Variants in VEPH1 observed in about 807,000 individuals in gnomAD.
The protein encoded by VEPH1 is ventricular zone-expressed PH domain-containing protein homolog 1.
VEPH1 carries 80 observed loss-of-function variants against 85.2 expected under a neutral mutation model. The ratio of observed to expected loss-of-function variants is 0.94; its 90% confidence interval spans 0.78 to 1.13. The LOEUF is 1.13. Ranked by LOEUF, VEPH1 falls within the 50% of genes most tolerant of loss-of-function variation. VEPH1 has a pLI of 0.00. For synonymous variants in VEPH1, 297 were observed against 348.0 expected (o/e 0.85, Z 1.63); for missense variants, 955 against 980.5 (o/e 0.97, Z 0.35).
intron 11 of VEPH1, among the ~76,000 whole-genome samples, chr3:157,287,739 A>G (rs987092474): frequency 3.3e-5 from 5 of 151,684 alleles, no homozygotes; most frequent in Admixed American, 1.3e-4. Flanking sequence ...TAATTTTTGT[A>G]TATCTAGTAG....
intron 2 of VEPH1, among the ~76,000 whole-genome samples, chr3:157,472,107 C>T (rs1221667352): frequency 6.6e-6 from 1 of 152,198 alleles, no homozygotes; most frequent in African/African-American, 2.4e-5. Context: ...ATTCTAAGCA[C>T]ATGCAGATAT....
chr3:157,272,276 CCTTCCTTCCTTCCTT>C (rs1714682394), intron 12 of VEPH1, among the ~76,000 whole-genome samples: 1 of 84,536 alleles, frequency 1.2e-5, no homozygotes, highest in African/African-American at 3.7e-5. Flanking sequence ...TTCCTTCCTT[CCTTCCTTCCTTCCTT>C]CCTTCCCTTC....
At position 157,364,455 on chromosome 3, in the gene VEPH1, T is replaced by C. The variant is rs1218066913; in HGVS notation, c.1185A>G (p.Ile395Met). ...TTTCATGGTCTTCATTTTCAGTTAC[T>C]ATGAGCTTGGTTTCTTCCAGTTTCT... is the stretch of plus-strand genomic sequence containing the variant. ...FPEKLEETKL[I>M]VTENEDHEKL... Residue 395 changes from isoleucine to methionine, a missense_variant, in exon 8 of 14, where the codon ATA becomes ATG. Ile to Met is a conservative substitution (Grantham distance 10). Coordinates refer to ENST00000362010, the MANE Select transcript of VEPH1 (RefSeq NM_001167912.2). 6.2e-6 allele frequency: 10 copies of C among 1,614,046 alleles called. No homozygotes were observed. The highest frequency in any genetic ancestry group is 1.7e-4 in the Middle Eastern group (1 of 6,056).
chr3:157,341,854 G>C (rs559198401), intron 9 of VEPH1, among the ~76,000 whole-genome samples: 49 of 151,918 alleles, frequency 3.2e-4, no homozygotes, highest in African/African-American at 1.1e-3. Context: ...AGCCAGAAGA[G>C]AGTGGGGGCC....
At chr3:157,390,920 G>T (rs1000318812) in intron 6 of VEPH1, among the ~76,000 whole-genome samples, 2 of 152,198 alleles carry the variant, frequency 1.3e-5, no homozygotes, top group Non-Finnish European at 2.9e-5. Context: ...AAGTTTTTGG[G>T]CACCACCACA....
At chr3:157,420,104 T>A (rs1291424644) in intron 5 of VEPH1, among the ~76,000 whole-genome samples, 1 of 149,974 alleles carries the variant, frequency 6.7e-6, no homozygotes, top group Non-Finnish European at 1.5e-5. Context: ...TTCTCATTTA[T>A]AAGTGGGAGG....
At chr3:157,453,404 T>C (rs1475764516) in intron 4 of VEPH1, among the ~76,000 whole-genome samples, 1 of 152,198 alleles carries the variant, frequency 6.6e-6, no homozygotes, top group African/African-American at 2.4e-5. Context: ...TAATAGGACT[T>C]CTTTTATGAG....
chr3:157,333,450 C>G (rs1722680287), intron 9 of VEPH1, among the ~76,000 whole-genome samples: 1 of 152,128 alleles, frequency 6.6e-6, no homozygotes, highest in Non-Finnish European at 1.5e-5. Context: ...AGAAAGGAAT[C>G]TGGGATATTT....
intron 3 of VEPH1, among the ~76,000 whole-genome samples, chr3:157,466,448 C>T (rs1022832615): frequency 1.4e-4 from 21 of 152,202 alleles, no homozygotes; most frequent in African/African-American, 4.1e-4. Context: ...TGCTCATTTT[C>T]GTTGCCCTGC....
chr3:157,491,552 G>A (rs1321474643), intron 2 of VEPH1, among the ~76,000 whole-genome samples: 1 of 152,144 alleles, frequency 6.6e-6, no homozygotes, highest in Non-Finnish European at 1.5e-5. Flanking sequence ...GTAGTAACTG[G>A]TAGAAAAAGA....
At chr3:157,488,943 T>C (rs1738943785) in intron 2 of VEPH1, 2 of 262,970 alleles carry the variant, frequency 7.6e-6, no homozygotes, top group South Asian at 3.3e-5. Flanking sequence ...TCTCTCTCTC[T>C]CTTTCTCTCT....
intron 1 of VEPH1, among the ~76,000 whole-genome samples, chr3:157,497,159 G>A (rs1331056064): frequency 1.3e-5 from 2 of 152,134 alleles, no homozygotes; most frequent in Non-Finnish European, 2.9e-5. Context: ...TAAAATGTGA[G>A]GCTACTGTTA....
chr3:157,395,845 C>T, intron 6 of VEPH1, among the ~76,000 whole-genome samples: 1 of 152,072 alleles, frequency 6.6e-6, no homozygotes, highest in East Asian at 1.9e-4. Context: ...GTTATCTTTT[C>T]TGCTCCTCTC....
chr3:157,442,817 C>T, intron 4 of VEPH1: 2 of 1,614,196 alleles, frequency 1.2e-6, no homozygotes, highest in Non-Finnish European at 1.7e-6. Flanking sequence ...AAACATTAGC[C>T]TTCTCTGGGA....
intron 9 of VEPH1, among the ~76,000 whole-genome samples, chr3:157,318,646 A>AG (rs779238145): frequency 8.3e-6 from 1 of 120,532 alleles, no homozygotes; most frequent in Non-Finnish European, 2.0e-5. Context: ...GAAAGAAAGA[A>AG]AGAAAGAATG....
intron 9 of VEPH1, among the ~76,000 whole-genome samples, chr3:157,348,546 T>C (rs1281257371): frequency 6.6e-6 from 1 of 152,216 alleles, no homozygotes; most frequent in Non-Finnish European, 1.5e-5. Flanking sequence ...CATATGTGTG[T>C]CTTCTTTTGA....
At chr3:157,289,968 A>G (rs1717274063) in intron 11 of VEPH1, among the ~76,000 whole-genome samples, 1 of 151,932 alleles carries the variant, frequency 6.6e-6, no homozygotes, top group Non-Finnish European at 1.5e-5. Flanking sequence ...GGAAGGACTT[A>G]TGAATTGCTT....
intron 2 of VEPH1, among the ~76,000 whole-genome samples, chr3:157,494,739 A>G (rs1241407573): frequency 6.6e-6 from 1 of 152,152 alleles, no homozygotes; most frequent in African/African-American, 2.4e-5. Context: ...CACTTCTGGC[A>G]GCAAAGCGAT....
intron 9 of VEPH1, among the ~76,000 whole-genome samples, chr3:157,323,547 C>CT (rs1381775261): frequency 6.6e-6 from 1 of 152,160 alleles, no homozygotes; most frequent in African/African-American, 2.4e-5. Context: ...TGGTGGGCCC[C>CT]TGGCTATATC....
Sources: gnomAD v4.1 joint callset for allele counts (sites outside exome capture counted in the v4.1 genomes callset) on GRCh38, gnomAD v4.1.1 for gene constraint, MANE v1.5 for transcripts, NCBI Gene and HGNC (gene_info 2026-07-23, HGNC 2026-07-21) for gene names.